The following BLMH variants were observed in gnomAD, a reference collection of about 807,000 sequenced individuals.
BLMH encodes the protein BLM hydrolase.
Under a neutral mutation model 61.6 loss-of-function variants are expected in BLMH, and 32 were observed. The ratio of observed to expected loss-of-function variants is 0.52; its 90% CI spans 0.39 to 0.70. The LOEUF (loss-of-function observed/expected upper bound fraction) is 0.70. BLMH is among the 30% of genes least tolerant of loss of function. The probability of loss-of-function intolerance (pLI) is 0.00; values close to 1 mark genes in which losing one functional copy is unlikely to be tolerated. For missense variants in BLMH, 460 were observed against 555.5 expected (o/e 0.83, Z 1.73); for synonymous variants, 183 against 193.8 (o/e 0.94, Z 0.46).
chr17:30,282,698 G>T (rs1301878274), intron 6 of BLMH, among the ~76,000 whole-genome samples: 1 of 152,202 alleles, frequency 6.6e-6, no homozygotes, highest in Non-Finnish European at 1.5e-5. Context: ...TTTATTCAAA[G>T]CTATCTGAGC....
chr17:30,285,335 T>C, intron 6 of BLMH, 53 bp downstream of exon 6: 2 of 1,243,696 alleles, frequency 1.6e-6, no homozygotes, highest in South Asian at 1.3e-5. Flanking sequence ...CAGATGGGAA[T>C]ATTCTGAGAG....
At position 30,273,748 on chromosome 17, in the gene BLMH, G is replaced by T. The variant is rs1908344120; in HGVS notation, c.801+294C>A. 4 of 406,992 alleles carry T rather than the reference G, an allele frequency of 9.8e-6. No homozygotes were observed. In the South Asian group the frequency reaches 1.1e-4, roughly 12 times the overall value. 25.2% of individuals were successfully genotyped at this position (406,992 alleles called of 1,614,324 possible). On this transcript the variant is annotated intron_variant, in intron 7 of 11. Coordinates refer to ENST00000261714, the MANE Select transcript of BLMH (RefSeq NM_000386.4). Reference sequence around the variant, plus strand: ...AAGAAATACCCAACACACTTTCATTGTTTTGCACTTGAGAATGATTCTGGT... The same window carrying T: ...AAGAAATACCCAACACACTTTCATTTTTTTGCACTTGAGAATGATTCTGGT...
At chr17:30,291,730 G>A in intron 1 of BLMH, 77 bp downstream of exon 1, 1 of 1,419,516 alleles carries the variant, frequency 7.0e-7, no homozygotes, top group South Asian at 1.5e-5. Context: ...CCAGCCCCCG[G>A]CCTTCCCCGC....
In BLMH at chr17:30,285,667, G is replaced by A. The variant is rs184595495; in HGVS notation, c.553-187C>T. On this transcript the variant is annotated intron_variant, in intron 5 of 11. Transcript: ENST00000261714. ...ACATAGCTAAAAATGCTTTCCATAA[G>A]GAGAAAAGGCATAAGTTACTCCTCC... 4.4e-4 allele frequency: 196 copies of A among 444,240 alleles called. 1 individual carries two copies. The highest frequency in any genetic ancestry group is 3.8e-3 in the African/African-American group (186 of 49,090). 27.5% of individuals were successfully genotyped at this position (444,240 alleles called of 1,614,324 possible).
At chr17:30,272,395 G>C in intron 9 of BLMH, 166 bp downstream of exon 9, 1 of 741,410 alleles carries the variant, frequency 1.3e-6, no homozygotes, top group Non-Finnish European at 2.3e-6. Flanking sequence ...AGTATGTGGA[G>C]TTTCTGCTAT....
At position 30,248,808 on chromosome 17, in the gene BLMH, C is replaced by T. The variant is rs747256106; in HGVS notation, c.*209G>A. 1.6e-5 allele frequency: 9 copies of T among 571,792 alleles called. No homozygotes were observed. The highest frequency in any genetic ancestry group is 2.8e-5 in the Non-Finnish European group (9 of 327,014). 35.4% of individuals were successfully genotyped at this position (571,792 alleles called of 1,614,324 possible). On this transcript the variant is annotated 3_prime_UTR_variant, in exon 12 of 12. Coordinates refer to ENST00000261714, the MANE Select transcript of BLMH (RefSeq NM_000386.4). ...AGATGAGGAGAGTAGATAGTATGAC[C>T]TGATCTTCCCCCCTCTTTTTTTTCC...
At chr17:30,251,248 A>C (rs936290369) in intron 11 of BLMH, among the ~76,000 whole-genome samples, 2 of 152,208 alleles carry the variant, frequency 1.3e-5, no homozygotes, top group Non-Finnish European at 2.9e-5. Context: ...AAAAAAACAA[A>C]AACAAACAAA....
rs1202543874 is a variant in BLMH, at chr17:30,250,920, T to A, written c.1217-1752A>T. On this transcript the variant is annotated intron_variant, in intron 11 of 11. Coordinates refer to ENST00000261714, the MANE Select transcript of BLMH (RefSeq NM_000386.4). Reference sequence around the variant, plus strand: ...TACTCGGCCATAAAAAGGAAAAAAATAATGTATTTTGTAGCAACTTCGATG... The same window carrying A: ...TACTCGGCCATAAAAAGGAAAAAAAAAATGTATTTTGTAGCAACTTCGATG... 2.0e-5 allele frequency among the ~76,000 whole-genome samples: 3 copies of A among 152,174 alleles called. 1 individual carries two copies. The highest frequency in any genetic ancestry group is 7.2e-5 in the African/African-American group (3 of 41,526).
Position 30,285,438 on chromosome 17 carries a change from C to T in BLMH, c.595G>A (p.Gly199Arg). ...GCCGAGATTTCTCCTTTGGTTGCTCCACTGTGTACCAGGTTCCGCAGTCGT... is the reference window on the plus strand; with the variant it reads ...GCCGAGATTTCTCCTTTGGTTGCTCTACTGTGTACCAGGTTCCGCAGTCGT... Reference protein sequence around the residue: ...CIRLRNLVHSGATKGEISATQ... With the variant: ...CIRLRNLVHSRATKGEISATQ... Residue 199 changes from glycine to arginine, a missense_variant, in exon 6 of 12, where the codon GGA becomes AGA. Coordinates refer to ENST00000261714, the MANE Select transcript of BLMH (RefSeq NM_000386.4). The T allele has an allele frequency of 6.2e-7, 1 of 1,612,956 alleles. No homozygotes were observed. The highest frequency in any genetic ancestry group is 8.5e-7 in the Non-Finnish European group (1 of 1,179,458).
chr17:30,270,272 G>A (rs930976327), intron 10 of BLMH, among the ~76,000 whole-genome samples: 1 of 152,168 alleles, frequency 6.6e-6, no homozygotes, highest in Non-Finnish European at 1.5e-5. Flanking sequence ...AGCTGAGGCG[G>A]GCAGATCACC....
rs565612084 is a variant in BLMH at position 30,258,061 on chromosome 17, G to A, written c.1216+8824C>T. Among the ~76,000 whole-genome samples the A allele has an allele frequency of 2.6e-5, 4 of 152,058 alleles. No individual in the cohort carries two copies. In the South Asian group the frequency reaches 8.3e-4, roughly 32 times the overall value. On this transcript the variant is annotated intron_variant, in intron 11 of 11. Transcript: ENST00000261714. The stretch of plus-strand genomic sequence containing the variant: ...TTGCCCAGGCTGGACTTGAACTCCT[G>A]GGCCCAAACGATCCTCCTGCCTCAG...
At chr17:30,261,689 C>G (rs973549651) in intron 11 of BLMH, among the ~76,000 whole-genome samples, 1 of 152,164 alleles carries the variant, frequency 6.6e-6, no homozygotes, top group Non-Finnish European at 1.5e-5. Flanking sequence ...TACAACATAG[C>G]ATTTTATGAA....
intron 2 of BLMH, among the ~76,000 whole-genome samples, chr17:30,289,702 G>A (rs553676810): frequency 3.8e-4 from 58 of 152,248 alleles, no homozygotes; most frequent in African/African-American, 1.3e-3. Context: ...CACTCTTTAC[G>A]TATCAAATAA....
intron 5 of BLMH, 100 bp from the exon 6 acceptor site, chr17:30,285,580 GC>G: frequency 1.2e-6 from 1 of 839,700 alleles, no homozygotes; most frequent in Non-Finnish European, 1.8e-6. Flanking sequence ...TATAACTCAG[GC>G]CAGACCCATG....
chr17:30,291,096 C>T, intron 2 of BLMH: 1 of 595,140 alleles, frequency 1.7e-6, no homozygotes, highest in Non-Finnish European at 3.0e-6. Flanking sequence ...GGACATGTCA[C>T]TTTTGTACTC....
chr17:30,254,454 C>G (rs1907760603), intron 11 of BLMH, among the ~76,000 whole-genome samples: 1 of 152,112 alleles, frequency 6.6e-6, no homozygotes, highest in Non-Finnish European at 1.5e-5. Flanking sequence ...AGGGAGAAAC[C>G]ATTTCACAGA....
Position 30,287,800 on chromosome 17 carries a change from T to C in BLMH, c.463+6A>G, listed in dbSNP as rs766858828. On this transcript the variant is annotated splice_donor_region_variant and intron_variant, in intron 4 of 11. Transcript: ENST00000261714. ...GTTTCAGTTCCATTAAAGAAAGAAC[T>C]TTTACCAACAATATTAACAAGCATA... 1 of 1,613,344 alleles carries C rather than the reference T, an allele frequency of 6.2e-7. No homozygotes were observed. The highest frequency in any genetic ancestry group is 1.1e-5 in the South Asian group (1 of 90,862).
At chr17:30,271,192 G>A in intron 10 of BLMH, 79 bp downstream of exon 10, 1 of 1,092,334 alleles carries the variant, frequency 9.2e-7, no homozygotes, top group Non-Finnish European at 1.4e-6. Context: ...TATGAATGAA[G>A]CTTTGTTGGG....
intron 11 of BLMH, among the ~76,000 whole-genome samples, chr17:30,257,703 T>C (rs1388366510): frequency 6.6e-6 from 1 of 152,226 alleles, no homozygotes; most frequent in Non-Finnish European, 1.5e-5. Flanking sequence ...ATCACTATCC[T>C]TGTTTTGATT....
Sources: gnomAD v4.1 joint callset for allele counts (sites outside exome capture counted in the v4.1 genomes callset) on GRCh38, gnomAD v4.1.1 for gene constraint, MANE v1.5 for transcripts, NCBI Gene and HGNC (gene_info 2026-07-23, HGNC 2026-07-21) for gene names.